Variants in EVL observed in about 807,000 individuals in gnomAD.
EVL encodes the protein Enah/Vasp-like, also known as ena/VASP-like protein.
A neutral mutation model predicts 59.6 loss-of-function variants in EVL; 21 were observed. The ratio of observed to expected loss-of-function variants is 0.35; its 90% CI spans 0.25 to 0.51. The LOEUF is 0.51. Ranked by LOEUF, EVL falls within the 20% of genes least tolerant of loss-of-function variation. The pLI is 0.97. For missense variants in EVL, 462 were observed against 546.6 expected (o/e 0.85, Z 1.54); for synonymous variants, 198 against 203.5 (o/e 0.97, Z 0.23).
chr14:100,008,179 TC>T (rs1335779718), intron 1 of EVL, among the ~76,000 whole-genome samples: 1 of 152,144 alleles, frequency 6.6e-6, no homozygotes, highest in Non-Finnish European at 1.5e-5. Flanking sequence ...GCTGGTTCTC[TC>T]CTCCAGCCTC....
intron 1 of EVL, among the ~76,000 whole-genome samples, chr14:100,021,226 G>A (rs1474882955): frequency 6.6e-6 from 1 of 152,238 alleles, no homozygotes. Context: ...AGAGGGTTAT[G>A]TATGAACACA....
At chr14:100,141,034 C>A in intron 11 of EVL, 146 bp from the exon 12 acceptor site, 1 of 640,392 alleles carries the variant, frequency 1.6e-6, no homozygotes, top group Non-Finnish European at 2.6e-6. Flanking sequence ...CCTTCTCAGG[C>A]AGTCTGAGGT....
chr14:99,984,970 C>T (rs1329254854), intron 1 of EVL, among the ~76,000 whole-genome samples: 3 of 152,004 alleles, frequency 2.0e-5, no homozygotes, highest in Admixed American at 6.6e-5. Context: ...TGTTTTTACC[C>T]GGTATCCTTT....
intron 1 of EVL, chr14:100,019,664 C>A (rs149630902): frequency 3.9e-6 from 6 of 1,533,366 alleles, no homozygotes; most frequent in Non-Finnish European, 5.2e-6. Context: ...CTGACTAGGT[C>A]ATGTTTGCAT....
intron 2 of EVL, among the ~76,000 whole-genome samples, chr14:100,087,895 G>A (rs930404825): frequency 2.0e-5 from 3 of 152,164 alleles, no homozygotes; most frequent in African/African-American, 7.2e-5. Context: ...ATCTGAAAGC[G>A]GGATAATATG....
At chr14:99,989,392 C>T (rs1161381453) in intron 1 of EVL, among the ~76,000 whole-genome samples, 1 of 152,194 alleles carries the variant, frequency 6.6e-6, no homozygotes, top group Non-Finnish European at 1.5e-5. Flanking sequence ...TTTTCTACCT[C>T]TTAAAATGTC....
At chr14:100,141,856 C>A in intron 13 of EVL, 63 bp downstream of exon 13, 3 of 1,537,156 alleles carry the variant, frequency 2.0e-6, no homozygotes, top group South Asian at 1.2e-5. Context: ...GGGTCCCTGT[C>A]ACCCAGGCTG....
intron 3 of EVL, chr14:100,107,029 A>C (rs1886614388): frequency 2.5e-6 from 1 of 398,732 alleles, no homozygotes; most frequent in Non-Finnish European, 4.4e-6. Flanking sequence ...GACCCTGAGC[A>C]AGTCACCTCC....
chr14:100,143,709 C>CAGGA lies in EVL; in HGVS notation c.1229_1232dup (p.Leu412GlyfsTer56). 1 of 1,612,358 alleles carries CAGGA rather than the reference C, an allele frequency of 6.2e-7. No individual in the cohort carries two copies. Among genetic ancestry groups the CAGGA allele is most frequent in the Non-Finnish European group, 8.5e-7 (1 of 1,179,908 alleles). The stretch of plus-strand genomic sequence containing the variant: ...CGCCACCTGTCCCGCAGCCATCAGG[C>CAGGA]AGGAGCTGAGTGGGATCAGCACCAC... On this transcript the variant is annotated frameshift_variant, in exon 14 of 14. Transcript: ENST00000392920. LOFTEE classifies it high-confidence loss of function.
chr14:100,125,147 CA>C lies in EVL; in HGVS notation c.422+1546del, dbSNP rs1566718426. Among the ~76,000 whole-genome samples the C allele has an allele frequency of 4.0e-3, 565 of 142,710 alleles. 14 individuals carry two copies. The highest frequency in any genetic ancestry group is 0.014 in the African/African-American group (506 of 35,918). 93.6% of individuals were successfully genotyped at this position (142,710 alleles called of 152,430 possible). A position where few individuals can be genotyped will look rare whatever the true frequency, so the allele number is the denominator to read the frequency against. Reference sequence around the variant, plus strand: ...CCACACACACACACACACACACACACACACCTGCCCCAAGGCAGGAATACAC... The same window carrying C: ...CCACACACACACACACACACACACACCACCTGCCCCAAGGCAGGAATACAC... On this transcript the variant is annotated intron_variant, in intron 4 of 13. Coordinates refer to ENST00000392920, the MANE Select transcript of EVL (RefSeq NM_016337.3).
At chr14:100,003,606 G>A (rs756195965) in intron 1 of EVL, among the ~76,000 whole-genome samples, 1 of 151,950 alleles carries the variant, frequency 6.6e-6, no homozygotes, top group African/African-American at 2.4e-5. Flanking sequence ...TAGTAGAGAC[G>A]GGGTTTCACC....
chr14:99,981,237 G>T (rs747490066), intron 1 of EVL, among the ~76,000 whole-genome samples: 1 of 152,060 alleles, frequency 6.6e-6, no homozygotes, highest in Non-Finnish European at 1.5e-5. Context: ...TTGGAGACCA[G>T]CTTGGCTAAC....
chr14:100,060,355 C>T (rs1211525327), intron 1 of EVL, among the ~76,000 whole-genome samples: 7 of 148,268 alleles, frequency 4.7e-5, no homozygotes, highest in East Asian at 2.0e-4. Context: ...GGCGTGAACC[C>T]GGGAGGCGGA....
chr14:100,031,172 C>G (rs78003547), intron 1 of EVL, among the ~76,000 whole-genome samples: 4,018 of 152,162 alleles, frequency 0.026, 79 homozygotes, highest in Non-Finnish European at 0.04. Flanking sequence ...CTGGGAAGGC[C>G]CATTGCAATC....
chr14:99,994,413 TATC>T (rs1489753933), intron 1 of EVL, among the ~76,000 whole-genome samples: 1 of 152,056 alleles, frequency 6.6e-6, no homozygotes, highest in Non-Finnish European at 1.5e-5. Flanking sequence ...TTGATTCCCT[TATC>T]ATTTCCCATT....
At chr14:100,061,984 C>T (rs962331299), upstream of EVL, among the ~76,000 whole-genome samples, 1 of 151,532 alleles carries the variant, frequency 6.6e-6, no homozygotes, top group African/African-American at 2.4e-5. Context: ...TGCAAGTGGA[C>T]CTGGGTCAGG....
intron 1 of EVL, among the ~76,000 whole-genome samples, chr14:99,999,494 A>G (rs950880973): frequency 3.9e-5 from 6 of 152,240 alleles, no homozygotes; most frequent in African/African-American, 7.2e-5. Context: ...ATAAGTACTC[A>G]ATAAACAGCA....
chr14:99,971,476 G>A (rs1043221996), exon 1 of EVL: 11 of 151,932 alleles, frequency 7.2e-5, no homozygotes, highest in African/African-American at 2.4e-4. Flanking sequence ...TTTGTGTCGG[G>A]CTTTGACCGC....
rs1191923656 is a variant in EVL, at chr14:100,132,703, C to G, written c.840-16C>G. 4 of 1,613,998 alleles carry G rather than the reference C, an allele frequency of 2.5e-6. No individual in the cohort carries two copies. In the African/African-American group the frequency reaches 5.3e-5, roughly 22 times the overall value. On this transcript the variant is annotated splice_polypyrimidine_tract_variant and intron_variant, in intron 7 of 13. Transcript: ENST00000392920. ...CGTGAGGAGCTGATCTGTATCTTCC[C>G]CTTCTCTGTGCCTAGGAGAAAAGCA... is the stretch of plus-strand genomic sequence containing the variant.
Sources: allele counts gnomAD v4.1 joint callset (sites outside exome capture counted in the v4.1 genomes callset), GRCh38; gene constraint gnomAD v4.1.1; transcripts MANE v1.5; gene names NCBI Gene and HGNC (gene_info 2026-07-23, HGNC 2026-07-21).